Variants in GALNTL6 observed in about 807,000 individuals in gnomAD.
GALNTL6 encodes polypeptide N-acetylgalactosaminyltransferase like 6.
Under a neutral mutation model 73.7 loss-of-function variants are expected in GALNTL6, and 46 were observed. The ratio of observed to expected loss-of-function variants is 0.62; its 90% CI spans 0.49 to 0.80. The LOEUF (loss-of-function observed/expected upper bound fraction) is 0.80. Among genes scored for constraint, GALNTL6 ranks in the 30% least tolerant of loss-of-function variants. GALNTL6 has a pLI of 0.00. For missense variants in GALNTL6, 604 were observed against 755.0 expected, an observed-to-expected ratio of 0.80 and a Z score of 2.34; for synonymous variants, 259 against 263.7, an observed-to-expected ratio of 0.98 and a Z score of 0.17.
intron 7 of GALNTL6, among the ~76,000 whole-genome samples, chr4:172,840,457 A>T (rs912935542): frequency 6.6e-6 from 1 of 152,058 alleles, no homozygotes; most frequent in African/African-American, 2.4e-5. Flanking sequence ...AAATCTGGAT[A>T]ATTCTCTTCT....
At chr4:172,580,100 A>G (rs1364954322) in intron 5 of GALNTL6, among the ~76,000 whole-genome samples, 1 of 152,228 alleles carries the variant, frequency 6.6e-6, no homozygotes, top group Non-Finnish European at 1.5e-5. Context: ...TGCTATTTAA[A>G]CAGATGCCTC....
At chr4:172,283,406 T>C (rs982401207) in intron 3 of GALNTL6, among the ~76,000 whole-genome samples, 1 of 152,194 alleles carries the variant, frequency 6.6e-6, no homozygotes, top group African/African-American at 2.4e-5. Context: ...AAATAAGTAA[T>C]ATGTCATATG....
intron 5 of GALNTL6, among the ~76,000 whole-genome samples, chr4:172,456,635 G>C (rs1227681385): frequency 6.6e-6 from 1 of 151,858 alleles, no homozygotes; most frequent in African/African-American, 2.4e-5. Flanking sequence ...AATAAAGCGT[G>C]AAGACAAGAT....
At chr4:172,179,821 A>G (rs1735176843) in intron 2 of GALNTL6, among the ~76,000 whole-genome samples, 1 of 152,156 alleles carries the variant, frequency 6.6e-6, no homozygotes, top group Non-Finnish European at 1.5e-5. Flanking sequence ...TCCATGTGAC[A>G]CATTTTCTTT....
intron 2 of GALNTL6, among the ~76,000 whole-genome samples, chr4:171,872,681 A>G (rs1245757657): frequency 6.6e-6 from 1 of 152,118 alleles, no homozygotes; most frequent in Non-Finnish European, 1.5e-5. Flanking sequence ...TTGTATTTGC[A>G]TATTGTTCTC....
At chr4:171,967,454 T>TTTTTTTGTTTG (rs1553976681) in intron 2 of GALNTL6, among the ~76,000 whole-genome samples, 52 of 44,526 alleles carry the variant, frequency 1.2e-3, no homozygotes, top group South Asian at 3.4e-3. Flanking sequence ...TGGGTTTTTT[T>TTTTTTTGTTTG]TTTTTTTTTT....
intron 5 of GALNTL6, among the ~76,000 whole-genome samples, chr4:172,719,413 T>G (rs7668615): frequency 0.041 from 6,209 of 152,252 alleles, 348 homozygotes; most frequent in Admixed American, 0.11. Context: ...ATAAAACACT[T>G]TTATAACTTT....
intron 2 of GALNTL6, among the ~76,000 whole-genome samples, chr4:172,066,533 GAC>G (rs772850085): frequency 6.1e-4 from 69 of 113,578 alleles, no homozygotes; most frequent in African/African-American, 1.7e-3. Context: ...GTCTGACCTG[GAC>G]TTTTTTTTTT....
intron 10 of GALNTL6, among the ~76,000 whole-genome samples, chr4:172,996,163 G>GACACACAC (rs10658403): frequency 4.0e-5 from 6 of 148,302 alleles, no homozygotes; most frequent in Admixed American, 3.4e-4. Context: ...AAGAAAATGT[G>GACACACAC]ACACACACAC....
intron 5 of GALNTL6, among the ~76,000 whole-genome samples, chr4:172,542,575 G>T (rs1185466008): frequency 6.6e-6 from 1 of 152,148 alleles, no homozygotes; most frequent in Admixed American, 6.5e-5. Context: ...CCTGGTGGGG[G>T]AGGGGAGCCC....
At chr4:171,974,862 T>C (rs1282804705) in intron 2 of GALNTL6, among the ~76,000 whole-genome samples, 1 of 152,196 alleles carries the variant, frequency 6.6e-6, no homozygotes, top group Non-Finnish European at 1.5e-5. Context: ...AATTCTATGA[T>C]ATGTTATGGT....
chr4:172,867,308 A>C (rs1054186139), intron 7 of GALNTL6, among the ~76,000 whole-genome samples: 1 of 152,186 alleles, frequency 6.6e-6, no homozygotes, highest in African/African-American at 2.4e-5. Flanking sequence ...CAAGTCTACT[A>C]TGGAGTGCAC....
At chr4:172,914,207 T>C (rs558443284) in intron 8 of GALNTL6, among the ~76,000 whole-genome samples, 1 of 152,250 alleles carries the variant, frequency 6.6e-6, no homozygotes, top group East Asian at 1.9e-4. Context: ...CCGAGAGATT[T>C]TGTCACCACC....
intron 5 of GALNTL6, among the ~76,000 whole-genome samples, chr4:172,550,487 G>A (rs1276523323): frequency 4.6e-5 from 7 of 152,174 alleles, no homozygotes; most frequent in Admixed American, 1.3e-4. Flanking sequence ...TCAGTGCCTG[G>A]TTATGTTGCT....
At chr4:172,199,087 T>C (rs890521992) in intron 2 of GALNTL6, among the ~76,000 whole-genome samples, 2 of 152,162 alleles carry the variant, frequency 1.3e-5, no homozygotes, top group Non-Finnish European at 2.9e-5. Context: ...GTTGGATTCC[T>C]TGAGAGCAGA....
chr4:172,419,384 G>A (rs772924169), intron 5 of GALNTL6, among the ~76,000 whole-genome samples: 1 of 152,114 alleles, frequency 6.6e-6, no homozygotes, highest in Non-Finnish European at 1.5e-5. Context: ...AGTGCCTGGG[G>A]CACAGAAACT....
intron 2 of GALNTL6, among the ~76,000 whole-genome samples, chr4:172,046,859 A>G (rs899028259): frequency 1.7e-4 from 26 of 152,218 alleles, no homozygotes; most frequent in African/African-American, 6.3e-4. Context: ...GCAGTGCAGA[A>G]GCTTTTCGGT....
intron 5 of GALNTL6, among the ~76,000 whole-genome samples, chr4:172,377,474 C>T (rs775420179): frequency 2.6e-5 from 4 of 152,224 alleles, no homozygotes; most frequent in Non-Finnish European, 5.9e-5. Context: ...GCTGGCTTCG[C>T]CTAGCAGATC....
intron 5 of GALNTL6, among the ~76,000 whole-genome samples, chr4:172,486,704 A>G (rs185488658): frequency 6.6e-6 from 1 of 152,314 alleles, no homozygotes; most frequent in East Asian, 1.9e-4. Flanking sequence ...TTCTACGCAT[A>G]TTTCCTCTGT....
Sources: allele counts gnomAD v4.1 joint callset (sites outside exome capture counted in the v4.1 genomes callset), GRCh38; gene constraint gnomAD v4.1.1; transcripts MANE v1.5; gene names NCBI Gene and HGNC (gene_info 2026-07-23, HGNC 2026-07-21).